Variants in CABLES1 observed in about 807,000 individuals in gnomAD.
CABLES1 encodes the protein Cdk5 and Abl enzyme substrate 1, also known as CDK5 and ABL1 enzyme substrate 1.
CABLES1 carries 36 observed loss-of-function variants against 57.8 expected under a neutral mutation model. The observed-to-expected ratio is 0.62, with a 90% confidence interval of 0.48 to 0.82. The LOEUF (loss-of-function observed/expected upper bound fraction) is 0.82. Among genes scored for constraint, CABLES1 ranks in the 40% least tolerant of loss-of-function variants. CABLES1 has a pLI of 0.00. For missense variants in CABLES1, 767 were observed against 836.6 expected (o/e 0.92, Z 1.03); for synonymous variants, 374 against 363.0 (o/e 1.03, Z -0.35).
intron 3 of CABLES1, among the ~76,000 whole-genome samples, chr18:23,206,952 A>AG (rs1198071753): frequency 6.6e-6 from 1 of 151,896 alleles, no homozygotes; most frequent in African/African-American, 2.4e-5. Flanking sequence ...CTGGGACTAC[A>AG]GGCGTGTGCT....
intron 1 of CABLES1, among the ~76,000 whole-genome samples, chr18:23,179,288 TAAAG>T (rs1367411366): frequency 3.3e-5 from 5 of 151,874 alleles, no homozygotes; most frequent in African/African-American, 9.7e-5. Flanking sequence ...TCTAAAAAAA[TAAAG>T]AAAAAACGGT....
chr18:23,147,115 A>G (rs944293176), intron 1 of CABLES1, among the ~76,000 whole-genome samples: 1 of 152,220 alleles, frequency 6.6e-6, no homozygotes, highest in Non-Finnish European at 1.5e-5. Context: ...ATTTGGGTCC[A>G]GAGTCATGGA....
At chr18:23,180,679 T>A (rs562599587) in intron 1 of CABLES1, among the ~76,000 whole-genome samples, 1 of 152,158 alleles carries the variant, frequency 6.6e-6, no homozygotes, top group Non-Finnish European at 1.5e-5. Context: ...GCAGCTGATT[T>A]TAATTCTTGG....
chr18:23,212,404 G>A (rs2047411542), intron 3 of CABLES1, among the ~76,000 whole-genome samples: 1 of 152,172 alleles, frequency 6.6e-6, no homozygotes, highest in Admixed American at 6.5e-5. Flanking sequence ...GCTGACCGAG[G>A]TCAAACAAAA....
intron 7 of CABLES1, among the ~76,000 whole-genome samples, chr18:23,241,513 A>G (rs1031222123): frequency 6.6e-6 from 1 of 152,170 alleles, no homozygotes; most frequent in Non-Finnish European, 1.5e-5. Flanking sequence ...CTGGGCGACA[A>G]GCGAAACTAC....
At chr18:23,257,003 ATG>A (rs2145147674) in intron 9 of CABLES1, among the ~76,000 whole-genome samples, 1 of 152,298 alleles carries the variant, frequency 6.6e-6, no homozygotes, top group East Asian at 1.9e-4. Context: ...CATAAGATGT[ATG>A]TGTGGTTCCG....
intron 1 of CABLES1, among the ~76,000 whole-genome samples, chr18:23,153,063 G>A (rs1288616532): frequency 6.6e-6 from 1 of 151,908 alleles, no homozygotes; most frequent in Non-Finnish European, 1.5e-5. Context: ...GCCTCCTGAA[G>A]TGCTGGGATT....
intron 4 of CABLES1, among the ~76,000 whole-genome samples, chr18:23,232,725 G>A (rs1047118859): frequency 1.3e-5 from 2 of 152,164 alleles, no homozygotes; most frequent in African/African-American, 4.8e-5. Context: ...CAGGAAGCCT[G>A]CTGTGGAAAT....
intron 1 of CABLES1, among the ~76,000 whole-genome samples, chr18:23,145,999 A>G (rs1297202753): frequency 6.6e-6 from 1 of 152,226 alleles, no homozygotes; most frequent in Non-Finnish European, 1.5e-5. Context: ...GTATATGTAA[A>G]TCTAAGTTAG....
chr18:23,239,082 TC>T (rs1192633597), intron 7 of CABLES1, among the ~76,000 whole-genome samples: 4 of 152,222 alleles, frequency 2.6e-5, no homozygotes, highest in African/African-American at 9.6e-5. Flanking sequence ...TTTTATCTGA[TC>T]TTTTTTTTCT....
At chr18:23,168,381 C>T (rs1353055090) in intron 1 of CABLES1, among the ~76,000 whole-genome samples, 1 of 152,186 alleles carries the variant, frequency 6.6e-6, no homozygotes, top group Non-Finnish European at 1.5e-5. Flanking sequence ...GTGTGTGCCT[C>T]CACTTCTGTG....
At chr18:23,147,282 G>C (rs1454020424) in intron 1 of CABLES1, among the ~76,000 whole-genome samples, 1 of 152,234 alleles carries the variant, frequency 6.6e-6, no homozygotes, top group African/African-American at 2.4e-5. Flanking sequence ...GACCAGCTTT[G>C]GAGCTCCATA....
At chr18:23,184,661 C>A (rs1295702251) in intron 1 of CABLES1, among the ~76,000 whole-genome samples, 2 of 152,036 alleles carry the variant, frequency 1.3e-5, no homozygotes, top group Non-Finnish European at 2.9e-5. Flanking sequence ...CAAGATTGTG[C>A]CACTGCACTC....
rs968603613 is a variant in CABLES1 at position 23,258,791 on chromosome 18, C to G, written c.*1424C>G. ...CCAGCCCAGAGAAAGGGCGATGGAA[C>G]CGAACCGAGGGTCTGCAGCTTTCGT... On this transcript the variant is annotated 3_prime_UTR_variant, in exon 10 of 10. Transcript: ENST00000256925. 39 of 152,184 alleles carry G rather than the reference C, an allele frequency of 2.6e-4. No homozygotes were observed. The highest frequency in any genetic ancestry group is 9.4e-4 in the African/African-American group (39 of 41,416). 9.4% of individuals were successfully genotyped at this position (152,184 alleles called of 1,614,324 possible). A position where few individuals can be genotyped will look rare whatever the true frequency, so the allele number is the denominator to read the frequency against.
At chr18:23,145,986 A>C (rs2046889570) in intron 1 of CABLES1, among the ~76,000 whole-genome samples, 1 of 152,258 alleles carries the variant, frequency 6.6e-6, no homozygotes, top group African/African-American at 2.4e-5. Flanking sequence ...TTTAAAGCAC[A>C]GGGTATATGT....
At chr18:23,252,829 T>G in intron 7 of CABLES1, 131 bp from the exon 8 acceptor site, 1 of 604,188 alleles carries the variant, frequency 1.7e-6, no homozygotes, top group Non-Finnish European at 3.0e-6. Flanking sequence ...GCCGAGCCCT[T>G]GTTGTAGCTC....
chr18:23,140,488 G>A (rs1490979356), intron 1 of CABLES1, among the ~76,000 whole-genome samples: 1 of 149,992 alleles, frequency 6.7e-6, no homozygotes, highest in African/African-American at 2.5e-5. Flanking sequence ...CTAGGCTGGA[G>A]TGCAGTGGCG....
chr18:23,228,849 G>A (rs893113744), intron 4 of CABLES1, among the ~76,000 whole-genome samples: 1 of 151,980 alleles, frequency 6.6e-6, no homozygotes, highest in South Asian at 2.1e-4. Flanking sequence ...GAATGTGAAA[G>A]CAGCTCCTCT....
At chr18:23,162,583 G>A (rs1317434050) in intron 1 of CABLES1, among the ~76,000 whole-genome samples, 1 of 152,162 alleles carries the variant, frequency 6.6e-6, no homozygotes, top group Non-Finnish European at 1.5e-5. Context: ...AAAAATATGG[G>A]TAAAGTTGGG....
Sources: allele counts gnomAD v4.1 joint callset (sites outside exome capture counted in the v4.1 genomes callset), GRCh38; gene constraint gnomAD v4.1.1; transcripts MANE v1.5; gene names NCBI Gene and HGNC (gene_info 2026-07-23, HGNC 2026-07-21).